Variants in GPR39 observed in about 807,000 individuals in gnomAD.
The protein encoded by GPR39 is zinc sensing receptor.
GPR39 carries 23 observed loss-of-function variants against 18.4 expected under a neutral mutation model. The ratio of observed to expected loss-of-function variants is 1.25; its 90% CI spans 0.90 to 1.77. GPR39 has a LOEUF of 1.77. GPR39 is among the 40% of genes most tolerant of loss of function. GPR39 has a pLI of 0.00. For missense variants in GPR39, 647 were observed against 602.4 expected, an observed-to-expected ratio of 1.07 and a Z score of -0.78; for synonymous variants, 280 against 257.9, an observed-to-expected ratio of 1.09 and a Z score of -0.82.
At chr2:132,574,924 G>A (rs146686187) in intron 1 of GPR39, among the ~76,000 whole-genome samples, 38 of 152,288 alleles carry the variant, frequency 2.5e-4, no homozygotes, top group African/African-American at 8.9e-4. Context: ...TTCCTCTCCA[G>A]TCTTGCCCTT....
intron 1 of GPR39, among the ~76,000 whole-genome samples, chr2:132,586,475 C>G (rs899967277): frequency 6.6e-6 from 1 of 152,184 alleles, no homozygotes; most frequent in African/African-American, 2.4e-5. Context: ...CATCTGTTGT[C>G]TGCGTGTTTG....
At chr2:132,431,088 G>T (rs900719768) in intron 1 of GPR39, among the ~76,000 whole-genome samples, 1 of 152,136 alleles carries the variant, frequency 6.6e-6, no homozygotes, top group Non-Finnish European at 1.5e-5. Flanking sequence ...AATCCCCAGG[G>T]CATGTCTCCT....
intron 1 of GPR39, among the ~76,000 whole-genome samples, chr2:132,469,580 A>G (rs776285089): frequency 2.0e-5 from 3 of 152,114 alleles, no homozygotes; most frequent in Non-Finnish European, 2.9e-5. Context: ...TGTGTGTGTA[A>G]ACGACCCTCT....
rs1191673094 is a variant in GPR39 at position 132,417,345 on chromosome 2, G to T, written c.303G>T (p.Thr101=). 6.2e-7 allele frequency: 1 copy of T among 1,614,062 alleles called. No homozygotes were observed. The highest frequency in any genetic ancestry group is 8.5e-7 in the Non-Finnish European group (1 of 1,179,996). ...GCATCATCTGGAATCCCCTGACCAC[G>T]TCCAGCTACACCCTGTCCTGCAAGC... ...FYSIIWNPLT[T]SSYTLSCKLH... is the part of the protein sequence containing the mutation. Residue 101 remains threonine (T), a synonymous_variant, in exon 1 of 2, where the codon ACG becomes ACT. Coordinates refer to ENST00000329321, the MANE Select transcript of GPR39 (RefSeq NM_001508.3).
At chr2:132,492,595 T>C (rs182558886) in intron 1 of GPR39, among the ~76,000 whole-genome samples, 5,272 of 130,182 alleles carry the variant, frequency 0.04, 410 homozygotes, top group African/African-American at 0.15. Flanking sequence ...ACCATATATA[T>C]ACCATATATA....
intron 1 of GPR39, among the ~76,000 whole-genome samples, chr2:132,548,172 A>T (rs775003120): frequency 6.6e-6 from 1 of 152,162 alleles, no homozygotes; most frequent in African/African-American, 2.4e-5. Flanking sequence ...TAGTCTGGCA[A>T]ATATTTCAAT....
intron 1 of GPR39, among the ~76,000 whole-genome samples, chr2:132,607,104 G>A (rs1231672323): frequency 6.6e-6 from 1 of 152,230 alleles, no homozygotes; most frequent in Non-Finnish European, 1.5e-5. Flanking sequence ...CCATGGTGTA[G>A]AATGAAAAGG....
At chr2:132,552,919 C>T (rs77385338) in intron 1 of GPR39, among the ~76,000 whole-genome samples, 21,317 of 62,262 alleles carry the variant, frequency 0.34, 1,689 homozygotes, top group East Asian at 0.5. Context: ...CATATATATA[C>T]ACACACACAC....
intron 1 of GPR39, among the ~76,000 whole-genome samples, chr2:132,426,919 A>G (rs1008753252): frequency 2.0e-5 from 3 of 152,034 alleles, no homozygotes; most frequent in Non-Finnish European, 4.4e-5. Context: ...GGGCAGGCCC[A>G]GCTGGGAGTG....
intron 1 of GPR39, among the ~76,000 whole-genome samples, chr2:132,455,847 T>A (rs1179856867): frequency 6.6e-6 from 1 of 152,160 alleles, no homozygotes; most frequent in East Asian, 1.9e-4. Context: ...TCTGAGACAG[T>A]TTGTTGTGAT....
At chr2:132,471,356 A>AT (rs1681027931) in intron 1 of GPR39, among the ~76,000 whole-genome samples, 2 of 152,218 alleles carry the variant, frequency 1.3e-5, no homozygotes, top group South Asian at 4.1e-4. Flanking sequence ...TTCTACTGGC[A>AT]TGAGTGCCTA....
chr2:132,446,272 G>A (rs1680537012), intron 1 of GPR39, among the ~76,000 whole-genome samples: 1 of 152,204 alleles, frequency 6.6e-6, no homozygotes, highest in African/African-American at 2.4e-5. Flanking sequence ...CTATGTGCCA[G>A]GCATGTGCTG....
chr2:132,484,026 C>G (rs2104791032), intron 1 of GPR39, among the ~76,000 whole-genome samples: 1 of 152,278 alleles, frequency 6.6e-6, no homozygotes, highest in Admixed American at 6.5e-5. Flanking sequence ...CATTTAAACC[C>G]AAGGAACTGA....
intron 1 of GPR39, among the ~76,000 whole-genome samples, chr2:132,553,763 G>C (rs767148193): frequency 2.6e-5 from 4 of 152,122 alleles, no homozygotes; most frequent in Non-Finnish European, 5.9e-5. Context: ...CCTGAACCCA[G>C]ACCACCTGGC....
chr2:132,605,964 G>A (rs1478429822), intron 1 of GPR39: 1 of 152,194 alleles, frequency 6.6e-6, no homozygotes, highest in African/African-American at 2.4e-5. Context: ...GGGGCTTGCT[G>A]GTGGAGCCAT....
At chr2:132,515,187 A>G (rs1679310122) in intron 1 of GPR39, among the ~76,000 whole-genome samples, 1 of 152,202 alleles carries the variant, frequency 6.6e-6, no homozygotes, top group Non-Finnish European at 1.5e-5. Flanking sequence ...CGTTCTGCCA[A>G]GGTTTCCACC....
chr2:132,582,009 T>C lies in GPR39; in HGVS notation c.857-63092T>C, dbSNP rs1262692252. Among the ~76,000 whole-genome samples the C allele has an allele frequency of 9.2e-5, 14 of 152,044 alleles. No homozygotes were observed. The East Asian group carries it at 2.7e-3, about 29-fold the overall frequency. On this transcript the variant is annotated intron_variant, in intron 1 of 1. Transcript: ENST00000329321. ...CGGTGGTTGGGAGACAAAGTGCTGA[T>C]TGGCAGTCCCAGCTGCTGCTGTCGG... is the stretch of plus-strand genomic sequence containing the variant.
intron 1 of GPR39, among the ~76,000 whole-genome samples, chr2:132,509,257 C>A (rs1465920080): frequency 1.3e-5 from 2 of 152,068 alleles, no homozygotes; most frequent in South Asian, 4.1e-4. Flanking sequence ...TTTAGGGAAA[C>A]AAACACATTT....
chr2:132,597,000 T>G (rs946185985), intron 1 of GPR39, among the ~76,000 whole-genome samples: 3 of 152,220 alleles, frequency 2.0e-5, no homozygotes, highest in Non-Finnish European at 2.9e-5. Flanking sequence ...AGCATTTTCC[T>G]TGTGTCAGTT....
Sources: allele counts gnomAD v4.1 joint callset (sites outside exome capture counted in the v4.1 genomes callset), GRCh38; gene constraint gnomAD v4.1.1; transcripts MANE v1.5; gene names NCBI Gene and HGNC (gene_info 2026-07-23, HGNC 2026-07-21).